The following SRL variants were observed in gnomAD, a reference collection of about 807,000 sequenced individuals.
SRL encodes the protein sarcalumenin.
In SRL, 23 loss-of-function variants were observed where a neutral mutation model predicts 39.5. The ratio of observed to expected loss-of-function variants is 0.58; its 90% confidence interval spans 0.42 to 0.82. The LOEUF (loss-of-function observed/expected upper bound fraction) is 0.82. Ranked by LOEUF, SRL falls within the 40% of genes least tolerant of loss-of-function variation. The pLI is 0.00. For synonymous variants in SRL, 272 were observed against 237.4 expected (o/e 1.15, Z -1.34); for missense variants, 592 against 607.8 (o/e 0.97, Z 0.27).
intron 5 of SRL, among the ~76,000 whole-genome samples, chr16:4,195,294 T>C (rs920639727): frequency 1.3e-5 from 2 of 152,084 alleles, no homozygotes; most frequent in African/African-American, 4.8e-5. Context: ...CTTCCTCAGC[T>C]CAAGCAATCT....
intron 1 of SRL, among the ~76,000 whole-genome samples, chr16:4,230,682 C>G (rs977635815): frequency 7.2e-5 from 11 of 151,982 alleles, no homozygotes; most frequent in African/African-American, 2.7e-4. Context: ...GCCACCACAC[C>G]CAGGAAGAAT....
At position 4,189,993 on chromosome 16, in the gene SRL, A is replaced by C; in HGVS notation, c.*2160T>G. 3.1e-6 allele frequency: 1 copy of C among 325,210 alleles called. No homozygotes were observed. Among genetic ancestry groups the C allele is most frequent in the South Asian group, 1.6e-4 (1 of 6,290 alleles). The allele number at this position is 325,210 out of a possible 1,614,324, so 20.1% of individuals were successfully genotyped here. ...TTGCGGAGGGTGGTTAATGAGAAGA[A>C]AAGTCCAGGACAGATTCCATCTCAT... On this transcript the variant is annotated 3_prime_UTR_variant, in exon 6 of 6. Coordinates refer to ENST00000399609, the MANE Select transcript of SRL (RefSeq NM_001098814.2).
At chr16:4,205,494 AAG>A (rs2141034789) in intron 1 of SRL, among the ~76,000 whole-genome samples, 1 of 152,334 alleles carries the variant, frequency 6.6e-6, no homozygotes, top group African/African-American at 2.4e-5. Context: ...TCTGAAAGCT[AAG>A]TGCGGCTCAG....
intron 4 of SRL, among the ~76,000 whole-genome samples, chr16:4,196,113 A>T (rs555330241): frequency 2.4e-4 from 37 of 152,014 alleles, no homozygotes; most frequent in Middle Eastern, 3.2e-3. Context: ...GGCACTCGCC[A>T]CCATGCCTGG....
chr16:4,232,538 T>G (rs947337103), intron 1 of SRL, among the ~76,000 whole-genome samples: 6 of 150,420 alleles, frequency 4.0e-5, no homozygotes, highest in Non-Finnish European at 7.4e-5. Flanking sequence ...TTCAACAGAG[T>G]CTTGCTCTGG....
At chr16:4,223,200 C>G (rs1005543844) in intron 1 of SRL, among the ~76,000 whole-genome samples, 2 of 147,168 alleles carry the variant, frequency 1.4e-5, no homozygotes, top group African/African-American at 5.1e-5. Context: ...CCACTGCACT[C>G]CAGCCTGGGC....
chr16:4,204,509 G>A (rs953658324), intron 2 of SRL, 24 bp downstream of exon 2: 30 of 1,539,594 alleles, frequency 1.9e-5, no homozygotes, highest in African/African-American at 6.1e-5. Context: ...CCCAGCCCTG[G>A]GCATATCTCC....
intron 3 of SRL, among the ~76,000 whole-genome samples, chr16:4,202,375 C>G (rs1013081308): frequency 6.6e-6 from 1 of 152,092 alleles, no homozygotes; most frequent in South Asian, 2.1e-4. Context: ...GGGCAGATCA[C>G]GAGGTCCGCA....
chr16:4,203,110 G>T, intron 3 of SRL, 56 bp downstream of exon 3: 2 of 1,521,044 alleles, frequency 1.3e-6, no homozygotes, highest in Non-Finnish European at 1.8e-6. Context: ...TGGCCCCGCC[G>T]ACAGGCCTGC....
intron 1 of SRL, among the ~76,000 whole-genome samples, chr16:4,218,629 G>A (rs1567184360): frequency 6.6e-6 from 1 of 152,178 alleles, no homozygotes; most frequent in Non-Finnish European, 1.5e-5. Context: ...TGGACCACGT[G>A]GGCCCTGCTC....
At chr16:4,224,683 GC>G in intron 1 of SRL, among the ~76,000 whole-genome samples, 1 of 151,172 alleles carries the variant, frequency 6.6e-6, no homozygotes, top group Non-Finnish European at 1.5e-5. Flanking sequence ...TGCACTCACT[GC>G]ACTCTCGCCT....
At chr16:4,235,095 C>A (rs978160933) in intron 1 of SRL, among the ~76,000 whole-genome samples, 2 of 152,130 alleles carry the variant, frequency 1.3e-5, no homozygotes, top group Non-Finnish European at 2.9e-5. Context: ...AGGGGCCCAG[C>A]CTGAGTAGGG....
At position 4,226,921 on chromosome 16, in the gene SRL, T is replaced by C. The variant is rs111164866; in HGVS notation, c.61+15086A>G. On this transcript the variant is annotated intron_variant, in intron 1 of 5. Transcript: ENST00000399609. ...ATGGATGAATGGATGAATGGATGGA[T>C]GGAAGGATGAATGGATGGGTGGATG... 5.6e-3 allele frequency among the ~76,000 whole-genome samples: 838 copies of C among 150,240 alleles called. 10 individuals carry two copies. Among genetic ancestry groups the C allele is most frequent in the African/African-American group, 0.019 (786 of 40,668 alleles).
chr16:4,238,145 G>C (rs2052732715), intron 1 of SRL, among the ~76,000 whole-genome samples: 1 of 152,226 alleles, frequency 6.6e-6, no homozygotes, highest in African/African-American at 2.4e-5. Context: ...GATGTTTACA[G>C]GTAAGGACTT....
chr16:4,196,101 C>T (rs1289812380), intron 4 of SRL, among the ~76,000 whole-genome samples: 2 of 152,046 alleles, frequency 1.3e-5, no homozygotes, highest in African/African-American at 4.8e-5. Flanking sequence ...GCTGAGATTA[C>T]AGGCACTCGC....
chr16:4,192,560 G>C lies in SRL; in HGVS notation c.1015C>G (p.Arg339Gly). The change falls in exon 6 of 6, where the codon CGG becomes GGG. Residue 339 changes from arginine to glycine, a missense_variant. By Grantham distance (125) the Arg-to-Gly change is moderately radical. Transcript: ENST00000399609. This position sits in a 1 kb window ranked among gnomAD's most constrained non-coding sequence, Gnocchi z 4.0. ...ACCAGGAGGGCGTGGATGCGGACCC[G>C]GATGGCGTGCTGGCGGATGAAGGCA... ...KIAFIRQHAI[R>G]VRIHALLVDR... is the part of the protein sequence containing the mutation. 6.2e-7 allele frequency: 1 copy of C among 1,614,156 alleles called. No individual in the cohort carries two copies. Among genetic ancestry groups the C allele is most frequent in the South Asian group, 1.1e-5 (1 of 91,082 alleles).
At position 4,202,257 on chromosome 16, in the gene SRL, G is replaced by T. The variant is rs1381277737; in HGVS notation, c.259+909C>A. 2.0e-5 allele frequency among the ~76,000 whole-genome samples: 3 copies of T among 152,366 alleles called. No homozygotes were observed. The East Asian group carries it at 5.8e-4, about 29-fold the overall frequency. On this transcript the variant is annotated intron_variant, in intron 3 of 5. Transcript: ENST00000399609. ...ACACATGAAGAGGAAATGCTTGGAA[G>T]GCTTCACTATAACGATGTGTTTCTC...
chr16:4,207,423 A>G (rs1021500452), intron 1 of SRL: 1 of 456,200 alleles, frequency 2.2e-6, no homozygotes, highest in Non-Finnish European at 4.4e-6. Context: ...CTCTCCCCCA[A>G]CAGCCGCGAC....
At chr16:4,205,161 A>T (rs1340306236) in intron 1 of SRL, among the ~76,000 whole-genome samples, 1 of 151,540 alleles carries the variant, frequency 6.6e-6, no homozygotes, top group Non-Finnish European at 1.5e-5. Flanking sequence ...CATCTCTACC[A>T]AAAAAAAACT....
Sources: gnomAD v4.1 joint callset for allele counts (sites outside exome capture counted in the v4.1 genomes callset) on GRCh38, gnomAD v4.1.1 for gene constraint, Gnocchi (gnomAD v3.1) non-coding constraint, MANE v1.5 for transcripts, NCBI Gene and HGNC (gene_info 2026-07-23, HGNC 2026-07-21) for gene names.